Variants in DACH2 observed in about 807,000 individuals in gnomAD.
DACH2 encodes dachshund family transcription factor 2, also known as dachshund homolog 2.
DACH2 carries 17 observed loss-of-function variants against 35.8 expected under a neutral mutation model. The observed-to-expected ratio is 0.48, with a 90% CI of 0.33 to 0.71. DACH2 has a LOEUF of 0.71. Ranked by LOEUF, DACH2 falls within the 30% of genes least tolerant of loss-of-function variation. The probability of loss-of-function intolerance (pLI) is 0.02; values close to 1 mark genes in which losing one functional copy is unlikely to be tolerated. For synonymous variants in DACH2, 195 were observed against 177.3 expected (o/e 1.10, Z -0.79); for missense variants, 469 against 472.7 (o/e 0.99, Z 0.07).
At chrX:86,372,077 T>C (rs999904946) in intron 1 of DACH2, among the ~76,000 whole-genome samples, 1 of 111,077 alleles carries the variant, frequency 9.0e-6, no homozygotes, top group African/African-American at 3.3e-5. Flanking sequence ...ATAGGGAACA[T>C]TTTTATCGAT....
intron 7 of DACH2, among the ~76,000 whole-genome samples, chrX:86,801,958 T>C (rs1353374453): frequency 8.9e-6 from 1 of 112,170 alleles, no homozygotes; most frequent in Non-Finnish European, 1.9e-5. Flanking sequence ...ACAACCTCTA[T>C]ATCTAGAAAA....
intron 1 of DACH2, among the ~76,000 whole-genome samples, chrX:86,295,290 G>C (rs188366407): frequency 1.5e-3 from 163 of 111,858 alleles, no homozygotes; most frequent in African/African-American, 5.2e-3. Flanking sequence ...CGCACGGTGC[G>C]CGCACCCACT....
intron 6 of DACH2, among the ~76,000 whole-genome samples, chrX:86,734,164 C>A (rs1057505988): frequency 1.8e-5 from 2 of 110,759 alleles, no homozygotes; most frequent in Non-Finnish European, 3.8e-5. Flanking sequence ...TTTTCCAGGA[C>A]AAGTTCATCA....
At chrX:86,504,724 A>T (rs2038299365) in intron 2 of DACH2, among the ~76,000 whole-genome samples, 1 of 111,156 alleles carries the variant, frequency 9.0e-6, no homozygotes, top group Admixed American at 9.7e-5. Flanking sequence ...CTAGCAATTT[A>T]TCCATAATAA....
intron 6 of DACH2, among the ~76,000 whole-genome samples, chrX:86,737,210 G>A (rs1285682419): frequency 9.0e-6 from 1 of 110,939 alleles, no homozygotes; most frequent in Non-Finnish European, 1.9e-5. Context: ...AGAATTATTG[G>A]GGGAAAAAAC....
chrX:86,734,368 A>G (rs1356411047), intron 6 of DACH2, among the ~76,000 whole-genome samples: 3 of 110,671 alleles, frequency 2.7e-5, no homozygotes, highest in Non-Finnish European at 5.7e-5. Context: ...GAAGAGTGAA[A>G]GCTGCCGTTA....
chrX:86,649,754 T>G (rs1056478546), intron 3 of DACH2, among the ~76,000 whole-genome samples: 2 of 111,376 alleles, frequency 1.8e-5, no homozygotes, highest in Admixed American at 1.9e-4. Context: ...AAACACACAG[T>G]TAGACGGTTT....
At chrX:86,593,440 T>TTTATTTTATTTTA (rs2039674541) in intron 3 of DACH2, among the ~76,000 whole-genome samples, 1 of 99,078 alleles carries the variant, frequency 1.0e-5, no homozygotes, top group African/African-American at 3.9e-5. Flanking sequence ...TTTATTTTAT[T>TTTATTTTATTTTA]TTTTGAGACA....
In DACH2 at chrX:86,182,514, C is replaced by CTGAGGCCT. The variant is rs746329911; in HGVS notation, c.488+33407_488+33414dup. ...TGGCTGTAGATGTGTGGCATTATTTCTGAGGCCTCTGTTCTGTTCCGTTGG... is the reference window on the plus strand; with the variant it reads ...TGGCTGTAGATGTGTGGCATTATTTCTGAGGCCTTGAGGCCTCTGTTCTGTTCCGTTGG... On this transcript the variant is annotated intron_variant, in intron 1 of 11. Coordinates refer to ENST00000373125, the MANE Select transcript of DACH2 (RefSeq NM_053281.3). Among the ~76,000 whole-genome samples the CTGAGGCCT allele has an allele frequency of 1.2e-3, 132 of 111,658 alleles. 1 individual carries two copies. The East Asian group carries it at 0.031, about 27-fold the overall frequency.
chrX:86,610,674 C>A lies in DACH2; in HGVS notation c.641-40362C>A, dbSNP rs1386827177. 4.5e-5 allele frequency among the ~76,000 whole-genome samples: 5 copies of A among 109,978 alleles called. No individual in the cohort carries two copies. The South Asian group carries it at 1.9e-3, about 43-fold the overall frequency. On this transcript the variant is annotated intron_variant, in intron 3 of 11. Coordinates refer to ENST00000373125, the MANE Select transcript of DACH2 (RefSeq NM_053281.3). ...TGTTGCCCAGGCTGGTCTTGAACTC[C>A]TGAGCTCAAGCAATCTGCCCACCTC...
chrX:86,265,008 A>G (rs2033687381), intron 1 of DACH2, among the ~76,000 whole-genome samples: 1 of 111,414 alleles, frequency 9.0e-6, no homozygotes, highest in African/African-American at 3.3e-5. Context: ...CTAAAGATGC[A>G]TGGGTAGTTG....
At chrX:86,827,677 G>A in intron 11 of DACH2, 1 of 766,343 alleles carries the variant, frequency 1.3e-6, no homozygotes, top group South Asian at 2.2e-5. Context: ...AAGTGAGTTT[G>A]TGGTTTTCAG....
chrX:86,816,357 A>G (rs1435848434), intron 11 of DACH2, among the ~76,000 whole-genome samples: 1 of 112,057 alleles, frequency 8.9e-6, no homozygotes, highest in Non-Finnish European at 1.9e-5. Flanking sequence ...GTGAGCAAAT[A>G]CATGTAGCTG....
chrX:86,429,486 A>C (rs756462280), intron 2 of DACH2, among the ~76,000 whole-genome samples: 2 of 111,105 alleles, frequency 1.8e-5, no homozygotes, highest in Non-Finnish European at 3.8e-5. Context: ...TTAATACTAT[A>C]ATTCAAATAA....
At chrX:86,213,370 A>G (rs1170485516) in intron 1 of DACH2, among the ~76,000 whole-genome samples, 2 of 111,237 alleles carry the variant, frequency 1.8e-5, no homozygotes, top group Non-Finnish European at 3.8e-5. Flanking sequence ...CCGTTTTTGT[A>G]ATTATTTTCT....
intron 7 of DACH2, among the ~76,000 whole-genome samples, chrX:86,763,831 C>A (rs759569715): frequency 5.8e-4 from 65 of 111,412 alleles, no homozygotes; most frequent in Non-Finnish European, 1.1e-3. Flanking sequence ...ACAAATATGT[C>A]CAATTTGTGA....
At chrX:86,776,651 A>G (rs1602934264) in intron 7 of DACH2, among the ~76,000 whole-genome samples, 1 of 110,989 alleles carries the variant, frequency 9.0e-6, no homozygotes, top group East Asian at 2.9e-4. Context: ...GGTTTGTTAC[A>G]TATGTATACA....
At position 86,613,929 on chromosome X, in the gene DACH2, AC is replaced by A. The variant is rs1372487144; in HGVS notation, c.641-37106del. Among the ~76,000 whole-genome samples, 7 of 111,894 alleles carry A rather than the reference AC, an allele frequency of 6.3e-5. 1 individual carries two copies. In the Admixed American group the frequency reaches 6.7e-4, roughly 11 times the overall value. On this transcript the variant is annotated intron_variant, in intron 3 of 11. Transcript: ENST00000373125. ...CTCATGTACTTCATAAAGGAAAAGT[AC>A]AGAATATACTCTTTGGTATAAATTA...
intron 1 of DACH2, among the ~76,000 whole-genome samples, chrX:86,335,696 A>T (rs948227302): frequency 8.9e-6 from 1 of 111,918 alleles, no homozygotes; most frequent in Non-Finnish European, 1.9e-5. Flanking sequence ...TTCTGCAAAC[A>T]GAGACAATTT....
Sources: allele counts gnomAD v4.1 joint callset (sites outside exome capture counted in the v4.1 genomes callset), GRCh38; gene constraint gnomAD v4.1.1; transcripts MANE v1.5; gene names NCBI Gene and HGNC (gene_info 2026-07-23, HGNC 2026-07-21).